Variants in TVP23A observed in about 807,000 individuals in gnomAD.
TVP23A encodes the protein trans-golgi network vesicle protein 23 homolog A, also known as Golgi apparatus membrane protein TVP23 homolog A.
Under a neutral mutation model 31.7 loss-of-function variants are expected in TVP23A, and 21 were observed. That is an observed-to-expected ratio of 0.66 (90% confidence interval 0.47 to 0.95). TVP23A has a LOEUF of 0.95. TVP23A is among the 40% of genes least tolerant of loss of function. TVP23A has a pLI of 0.00. For synonymous variants in TVP23A, 104 were observed against 96.0 expected (o/e 1.08, Z -0.49); for missense variants, 279 against 255.6 (o/e 1.09, Z -0.62).
chr16:10,797,601 C>T (rs923679398), intron 2 of TVP23A, among the ~76,000 whole-genome samples: 3 of 151,172 alleles, frequency 2.0e-5, no homozygotes, highest in Admixed American at 1.3e-4. Context: ...CGTGGTAGTG[C>T]GCACCTATAA....
Position 10,801,467 on chromosome 16 carries a change from C to CT in TVP23A, c.89+16635dup, listed in dbSNP as rs34302519. Among the ~76,000 whole-genome samples the CT allele has an allele frequency of 2.3e-4, 34 of 149,448 alleles. No individual in the cohort carries two copies. In the South Asian group the frequency reaches 3.0e-3, roughly 13 times the overall value. On this transcript the variant is annotated intron_variant, in intron 2 of 7. Coordinates refer to ENST00000299866, the MANE Select transcript of TVP23A (RefSeq NM_001079512.4). ...CAATGGAGATCCTGGATTGAGTCTT[C>CT]TTTTTTTTTTCCTGAGTCTCGCTCT...
Position 10,767,402 on chromosome 16 carries a change from CACAG to C in TVP23A, c.*1696_*1699del, listed in dbSNP as rs2031050523. 2 of 400,220 alleles carry C rather than the reference CACAG, an allele frequency of 5.0e-6. No homozygotes were observed. The highest frequency in any genetic ancestry group is 6.3e-4 in the Middle Eastern group (1 of 1,596). 24.8% of individuals were successfully genotyped at this position (400,220 alleles called of 1,614,324 possible). A position where few individuals can be genotyped will look rare whatever the true frequency, so the allele number is the denominator to read the frequency against. On this transcript the variant is annotated 3_prime_UTR_variant, in exon 8 of 8. Coordinates refer to ENST00000299866, the MANE Select transcript of TVP23A (RefSeq NM_001079512.4). The surrounding 1 kb of genome is among the most constrained non-coding windows in gnomAD (Gnocchi z 4.6). ...AGATGACCTGGAAGATAAAATTATA[CACAG>C]ACAAAGCAGCAGGCAGAATGTGTGT...
rs1044596382 is a variant in TVP23A at position 10,777,044 on chromosome 16, C to T, written c.90-1948G>A. Among the ~76,000 whole-genome samples, 13 of 152,294 alleles carry T rather than the reference C, an allele frequency of 8.5e-5. No individual in the cohort carries two copies. Among genetic ancestry groups the T allele is most frequent in the South Asian group, 4.1e-4 (2 of 4,826 alleles). ...ATCCTGTGACTTAGAATGCCTTAAC[C>T]GTCCAGGAATGCAGCCCAGTAGGTC... is the stretch of plus-strand genomic sequence containing the variant. On this transcript the variant is annotated intron_variant, in intron 2 of 7. Coordinates refer to ENST00000299866, the MANE Select transcript of TVP23A (RefSeq NM_001079512.4). This position sits in a 1 kb window ranked among gnomAD's most constrained non-coding sequence, Gnocchi z 4.5.
At chr16:10,811,903 CAAAAA>C (rs763108313) in intron 2 of TVP23A, among the ~76,000 whole-genome samples, 2 of 42,286 alleles carry the variant, frequency 4.7e-5, no homozygotes, top group Middle Eastern at 0.011. Context: ...GACTCCGTCT[CAAAAA>C]AAAAAAAAAA....
chr16:10,818,436 C>A lies in TVP23A; in HGVS notation c.9+49G>T, dbSNP rs1266045398. On this transcript the variant is annotated intron_variant, in intron 1 of 7. Coordinates refer to ENST00000299866, the MANE Select transcript of TVP23A (RefSeq NM_001079512.4). This position sits in a 1 kb window ranked among gnomAD's most constrained non-coding sequence, Gnocchi z 4.7. ...CCGGCTTCTCCAGCGCTCCCGCAGGCTCCCCTCGTCCCGCCCCGCCTCCAG... is the reference window on the plus strand; with the variant it reads ...CCGGCTTCTCCAGCGCTCCCGCAGGATCCCCTCGTCCCGCCCCGCCTCCAG... 1 of 1,591,838 alleles carries A rather than the reference C, an allele frequency of 6.3e-7. No individual in the cohort carries two copies.
At chr16:10,758,059 A>AACTGTGCTCCAC, downstream of TVP23A, 1 of 1,607,388 alleles carries the variant, frequency 6.2e-7, no homozygotes, top group South Asian at 1.1e-5. Context: ...GCTGGGTCCA[A>AACTGTGCTCCAC]ACTGTGCTCC....
At chr16:10,762,300 G>C (rs1437544256), downstream of TVP23A, among the ~76,000 whole-genome samples, 1 of 152,212 alleles carries the variant, frequency 6.6e-6, no homozygotes, top group Non-Finnish European at 1.5e-5. Flanking sequence ...TCCAGCACCG[G>C]GACAGACCGG....
chr16:10,758,232 A>G (rs1221472302), downstream of TVP23A, among the ~76,000 whole-genome samples: 2 of 152,232 alleles, frequency 1.3e-5, no homozygotes, highest in Non-Finnish European at 2.9e-5. Context: ...GGACTTTGGG[A>G]GGCTGAGATG....
At chr16:10,797,485 G>C (rs1377007150) in intron 2 of TVP23A, among the ~76,000 whole-genome samples, 1 of 151,958 alleles carries the variant, frequency 6.6e-6, no homozygotes, top group Non-Finnish European at 1.5e-5. Flanking sequence ...CTGGGAGGCA[G>C]AGGTTGTGGT....
exon 9 of TVP23A, chr16:10,761,319 T>C (rs780183700): frequency 1.9e-6 from 3 of 1,572,300 alleles, no homozygotes; most frequent in Non-Finnish European, 2.6e-6. Flanking sequence ...ACATTCCCTT[T>C]CTCGCACTTT....
At chr16:10,781,981 C>G (rs2142945111) in intron 2 of TVP23A, among the ~76,000 whole-genome samples, 1 of 149,484 alleles carries the variant, frequency 6.7e-6, no homozygotes, top group African/African-American at 2.5e-5. Flanking sequence ...CCTGCCTCAA[C>G]CTCCTGAGTA....
chr16:10,774,885 G>A (rs2031890052), intron 3 of TVP23A, 67 bp downstream of exon 3: 2 of 1,441,034 alleles, frequency 1.4e-6, no homozygotes, highest in Admixed American at 1.9e-5. Context: ...AGTACCTCTT[G>A]GTACCACGCA....
intron 2 of TVP23A, among the ~76,000 whole-genome samples, chr16:10,810,515 C>T (rs2034146612): frequency 1.3e-5 from 2 of 150,202 alleles, no homozygotes; most frequent in South Asian, 4.2e-4. Context: ...CCATGGTATT[C>T]CAGCCTGGGT....
In TVP23A at chr16:10,767,097, G is replaced by C. The variant is rs962898374; in HGVS notation, c.*2005C>G. 2.8e-5 allele frequency: 11 copies of C among 398,666 alleles called. No individual in the cohort carries two copies. The highest frequency in any genetic ancestry group is 2.1e-4 in the African/African-American group (10 of 48,644). 24.7% of individuals were successfully genotyped at this position (398,666 alleles called of 1,614,324 possible). A position where few individuals can be genotyped will look rare whatever the true frequency, so the allele number is the denominator to read the frequency against. ...GGAACCCCTCCTGGGGTTCACCTGA[G>C]GCTGGTGACCGGCCATGGGCAGTGC... is the stretch of plus-strand genomic sequence containing the variant. On this transcript the variant is annotated 3_prime_UTR_variant, in exon 8 of 8. Transcript: ENST00000299866. This position sits in a 1 kb window ranked among gnomAD's most constrained non-coding sequence, Gnocchi z 4.6.
chr16:10,774,191 G>C (rs549380610), intron 3 of TVP23A, 63 bp from the exon 4 acceptor site: 1 of 1,288,652 alleles, frequency 7.8e-7, no homozygotes, highest in African/African-American at 1.5e-5. Context: ...TCACTGTATT[G>C]ATAAACAAAA....
intron 6 of TVP23A, 104 bp from the exon 7 acceptor site, chr16:10,770,435 G>A (rs182759868): frequency 1.1e-4 from 141 of 1,291,802 alleles, no homozygotes; most frequent in Middle Eastern, 1.9e-4. Context: ...GAAAACCTGC[G>A]GAATTGGTTG....
In TVP23A at chr16:10,767,769, G is replaced by A. The variant is rs2031112684; in HGVS notation, c.*1333C>T. On this transcript the variant is annotated 3_prime_UTR_variant, in exon 8 of 8. Coordinates refer to ENST00000299866, the MANE Select transcript of TVP23A (RefSeq NM_001079512.4). The surrounding 1 kb of genome is among the most constrained non-coding windows in gnomAD (Gnocchi z 4.6). Reference sequence around the variant, plus strand: ...TTAGCCACGCTGAAATGCTGGCTGGGGACCCTGCTGGAAGGAAGGTCCCTG... The same window carrying A: ...TTAGCCACGCTGAAATGCTGGCTGGAGACCCTGCTGGAAGGAAGGTCCCTG... 2 of 603,554 alleles carry A rather than the reference G, an allele frequency of 3.3e-6. No homozygotes were observed. Among genetic ancestry groups the A allele is most frequent in the Non-Finnish European group, 5.9e-6 (2 of 340,206 alleles). The allele number at this position is 603,554 out of a possible 1,614,324, so 37.4% of individuals were successfully genotyped here.
At chr16:10,785,314 G>C (rs1233057469) in intron 2 of TVP23A, among the ~76,000 whole-genome samples, 1 of 151,850 alleles carries the variant, frequency 6.6e-6, no homozygotes, top group Non-Finnish European at 1.5e-5. Flanking sequence ...TGAGGCACGA[G>C]AATCGCTTGA....
downstream of TVP23A, among the ~76,000 whole-genome samples, chr16:10,760,402 C>T (rs1900862484): frequency 6.6e-6 from 1 of 152,216 alleles, no homozygotes; most frequent in South Asian, 2.1e-4. Flanking sequence ...AGTGCACACA[C>T]TGGCTTAATA....
Sources: gnomAD v4.1 joint callset for allele counts (sites outside exome capture counted in the v4.1 genomes callset) on GRCh38, gnomAD v4.1.1 for gene constraint, Gnocchi (gnomAD v3.1) non-coding constraint, MANE v1.5 for transcripts, NCBI Gene and HGNC (gene_info 2026-07-23, HGNC 2026-07-21) for gene names.